The following ZNF362 variants were observed in gnomAD, a reference collection of about 807,000 sequenced individuals.
The protein encoded by ZNF362 is zinc finger protein 362.
ZNF362 carries 11 observed loss-of-function variants against 42.9 expected under a neutral mutation model. The ratio of observed to expected loss-of-function variants is 0.26; its 90% CI spans 0.16 to 0.42. ZNF362 has a LOEUF of 0.42. Among genes scored for constraint, ZNF362 ranks in the 20% least tolerant of loss-of-function variants. ZNF362 has a pLI of 1.00. For missense variants in ZNF362, 362 were observed against 576.2 expected, an observed-to-expected ratio of 0.63 and a Z score of 3.81; for synonymous variants, 255 against 257.3, an observed-to-expected ratio of 0.99 and a Z score of 0.09.
chr1:33,162,461 T>G, the ZNF362 span, among the ~76,000 whole-genome samples: 1 of 152,240 alleles, frequency 6.6e-6, no homozygotes, highest in Non-Finnish European at 1.5e-5. Flanking sequence ...CCACATTTTC[T>G]GTCTCCCTGG....
the ZNF362 span, among the ~76,000 whole-genome samples, chr1:33,215,442 T>C: frequency 2.1e-3 from 320 of 152,310 alleles, 5 homozygotes; most frequent in Admixed American, 0.018. Context: ...TTTTAGTATT[T>C]GATAGCACAA....
chr1:33,244,051 A>C, the ZNF362 span, among the ~76,000 whole-genome samples: 1 of 152,118 alleles, frequency 6.6e-6, no homozygotes, highest in African/African-American at 2.4e-5. The surrounding 1 kb of genome is among the most constrained non-coding windows in gnomAD (Gnocchi z 4.0). Context: ...GGGATGGGGG[A>C]AGCAGGATTG....
At chr1:33,143,665 C>T in the ZNF362 span, among the ~76,000 whole-genome samples, 220 of 152,292 alleles carry the variant, frequency 1.4e-3, 4 homozygotes, top group East Asian at 4.6e-3. Context: ...GATGAAGATC[C>T]ACCTGTGGCC....
chr1:33,159,917 T>TAG, the ZNF362 span: 1 of 1,607,092 alleles, frequency 6.2e-7, no homozygotes, highest in Non-Finnish European at 8.5e-7. This position sits in a 1 kb window ranked among gnomAD's most constrained non-coding sequence, Gnocchi z 4.2. Flanking sequence ...GCCTCGCCGA[T>TAG]AGTGGTCCGC....
At chr1:33,296,244 C>T (rs1646123565) in intron 8 of ZNF362, among the ~76,000 whole-genome samples, 1 of 152,186 alleles carries the variant, frequency 6.6e-6, no homozygotes, top group Non-Finnish European at 1.5e-5. Flanking sequence ...AGCAGCATTC[C>T]AGGCCTCCAT....
the ZNF362 span, chr1:33,158,209 G>T: frequency 6.4e-7 from 1 of 1,573,908 alleles, no homozygotes; most frequent in South Asian, 1.1e-5. Context: ...GCTGTGCTGG[G>T]ACATGCCCCA....
chr1:33,234,796 C>T, the ZNF362 span, among the ~76,000 whole-genome samples: 2 of 152,306 alleles, frequency 1.3e-5, no homozygotes, highest in African/African-American at 4.8e-5. Context: ...ACTCTGAGGT[C>T]CCTTCCAGAG....
At chr1:33,236,550 A>AAAAAAAAAAAAATAT in the ZNF362 span, among the ~76,000 whole-genome samples, 28 of 5,972 alleles carry the variant, frequency 4.7e-3, 3 homozygotes, top group East Asian at 0.017. Flanking sequence ...AAAAAAAAAA[A>AAAAAAAAAAAAATAT]ATATATATAT....
chr1:33,202,522 C>T, the ZNF362 span, among the ~76,000 whole-genome samples: 2 of 149,410 alleles, frequency 1.3e-5, no homozygotes, highest in Non-Finnish European at 3.0e-5. Context: ...GACGTGAACC[C>T]GGGAGGCGGG....
At chr1:33,237,329 G>C in the ZNF362 span, among the ~76,000 whole-genome samples, 1 of 152,086 alleles carries the variant, frequency 6.6e-6, no homozygotes, top group African/African-American at 2.4e-5. Flanking sequence ...TTGTTGTTAA[G>C]AGCAGACTGA....
chr1:33,213,619 G>A, the ZNF362 span, among the ~76,000 whole-genome samples: 2 of 152,098 alleles, frequency 1.3e-5, no homozygotes, highest in South Asian at 4.1e-4. Flanking sequence ...GGCCGAGGCG[G>A]GTGGATCACG....
intron 4 of ZNF362, among the ~76,000 whole-genome samples, chr1:33,277,623 G>A (rs1451266040): frequency 1.3e-5 from 2 of 152,190 alleles, no homozygotes; most frequent in African/African-American, 2.4e-5. Flanking sequence ...GGGCAATGCC[G>A]TGGTAGTGGG....
rs1350397280 is a variant in ZNF362 at position 33,281,839 on chromosome 1, C to T, written c.908+28C>T. ...GAGTGGCCTGCCTGCTGCCCTGCTG[C>T]AGCCCGACTCAGCTCAGCACCCGTG... On this transcript the variant is annotated intron_variant, in intron 6 of 8. Coordinates refer to ENST00000539719, the MANE Select transcript of ZNF362 (RefSeq NM_152493.3). This position sits in a 1 kb window ranked among gnomAD's most constrained non-coding sequence, Gnocchi z 4.8. The T allele has an allele frequency of 8.1e-6, 13 of 1,608,658 alleles. No individual in the cohort carries two copies. The highest frequency in any genetic ancestry group is 1.3e-5 in the African/African-American group (1 of 74,864).
At chr1:33,293,933 A>G (rs975405057) in intron 6 of ZNF362, among the ~76,000 whole-genome samples, 3 of 152,176 alleles carry the variant, frequency 2.0e-5, no homozygotes, top group African/African-American at 7.2e-5. Flanking sequence ...ATCTCCGTTT[A>G]AAACTGTATC....
At chr1:33,234,614 C>T in the ZNF362 span, among the ~76,000 whole-genome samples, 1 of 152,306 alleles carries the variant, frequency 6.6e-6, no homozygotes, top group Non-Finnish European at 1.5e-5. Context: ...GCCCTCCCTG[C>T]TGCCTTCCCG....
At chr1:33,209,997 T>C in the ZNF362 span, among the ~76,000 whole-genome samples, 1 of 152,196 alleles carries the variant, frequency 6.6e-6, no homozygotes, top group Non-Finnish European at 1.5e-5. Flanking sequence ...CTTCCTTCTC[T>C]AGTTGTTTTA....
chr1:33,270,736 G>A, intron 2 of ZNF362, 124 bp downstream of exon 2: 3 of 1,500,092 alleles, frequency 2.0e-6, no homozygotes, highest in Admixed American at 2.3e-5. Flanking sequence ...GTCTGCCCTG[G>A]GGGAGGTGTG....
chr1:33,263,368 T>C (rs976555942), intron 1 of ZNF362, among the ~76,000 whole-genome samples: 27 of 152,130 alleles, frequency 1.8e-4, no homozygotes, highest in African/African-American at 6.5e-4. Flanking sequence ...GTCCCTGCCC[T>C]AGCGGAGGTA....
chr1:33,149,457 T>TAA, the ZNF362 span, among the ~76,000 whole-genome samples: 65 of 149,684 alleles, frequency 4.3e-4, no homozygotes, highest in East Asian at 4.8e-3. Context: ...CTGGATTCTT[T>TAA]TAAAAAAAAA....
Sources: gnomAD v4.1 joint callset for allele counts (sites outside exome capture counted in the v4.1 genomes callset) on GRCh38, gnomAD v4.1.1 for gene constraint, Gnocchi (gnomAD v3.1) non-coding constraint, MANE v1.5 for transcripts, NCBI Gene and HGNC (gene_info 2026-07-23, HGNC 2026-07-21) for gene names.